The following ADARB2 variants were observed in gnomAD, a reference collection of about 807,000 sequenced individuals.
ADARB2 encodes adenosine deaminase RNA specific B2 (inactive).
A neutral mutation model predicts 62.2 loss-of-function variants in ADARB2; 25 were observed. The observed-to-expected ratio is 0.40, with a 90% CI of 0.29 to 0.56. The LOEUF is 0.56. Among genes scored for constraint, ADARB2 ranks in the 20% least tolerant of loss-of-function variants. ADARB2 has a pLI of 0.43. For synonymous variants in ADARB2, 572 were observed against 500.8 expected (o/e 1.14, Z -1.90); for missense variants, 1,071 against 1,077.4 (o/e 0.99, Z 0.08).
At chr10:1,581,764 A>C (rs750825152) in intron 1 of ADARB2, among the ~76,000 whole-genome samples, 1 of 152,180 alleles carries the variant, frequency 6.6e-6, no homozygotes, top group Non-Finnish European at 1.5e-5. Flanking sequence ...ACATACATAG[A>C]CATAGTGCAT....
At chr10:1,461,757 T>TG (rs2093237236) in intron 1 of ADARB2, among the ~76,000 whole-genome samples, 2 of 152,164 alleles carry the variant, frequency 1.3e-5, no homozygotes, top group Admixed American at 6.5e-5. Context: ...CCCAGCACTT[T>TG]GGGAGGCCGA....
chr10:1,212,161 T>G (rs778877371), intron 7 of ADARB2, among the ~76,000 whole-genome samples: 1 of 152,224 alleles, frequency 6.6e-6, no homozygotes, highest in African/African-American at 2.4e-5. Flanking sequence ...CATCCGTATT[T>G]GTGTATGAAG....
chr10:1,404,969 T>C lies in ADARB2; in HGVS notation c.101-25809A>G, dbSNP rs542423195. On this transcript the variant is annotated intron_variant, in intron 1 of 9. Transcript: ENST00000381312. ...CAGCAGGACCCTGTGTCCCTTTATG[T>C]GCAAATTAAATCTCAGGTCGATGCC... 7.9e-5 allele frequency among the ~76,000 whole-genome samples: 12 copies of C among 152,314 alleles called. No homozygotes were observed. The South Asian group carries it at 2.5e-3, about 32-fold the overall frequency.
chr10:1,510,124 C>CT (rs1359906272), intron 1 of ADARB2, among the ~76,000 whole-genome samples: 1 of 117,600 alleles, frequency 8.5e-6, no homozygotes, highest in Non-Finnish European at 1.7e-5. Flanking sequence ...TTCTTTCTTT[C>CT]TTTCTTTCTT....
At chr10:1,636,066 G>A (rs1163445893) in intron 1 of ADARB2, among the ~76,000 whole-genome samples, 1 of 152,128 alleles carries the variant, frequency 6.6e-6, no homozygotes, top group African/African-American at 2.4e-5. Context: ...TTTGGAGGTC[G>A]GGTGCTCCCT....
At chr10:1,391,705 G>A (rs1250496379) in intron 1 of ADARB2, among the ~76,000 whole-genome samples, 1 of 151,454 alleles carries the variant, frequency 6.6e-6, no homozygotes, top group Non-Finnish European at 1.5e-5. Context: ...ATAACACATT[G>A]GCTGGAAGTT....
At chr10:1,470,560 G>A (rs1831308185) in intron 1 of ADARB2, among the ~76,000 whole-genome samples, 1 of 152,204 alleles carries the variant, frequency 6.6e-6, no homozygotes, top group African/African-American at 2.4e-5. Context: ...GGAATTCTGG[G>A]AGCCCTTTCA....
chr10:1,350,639 A>G (rs1267568304), intron 3 of ADARB2, among the ~76,000 whole-genome samples: 1 of 152,146 alleles, frequency 6.6e-6, no homozygotes, highest in Admixed American at 6.5e-5. Flanking sequence ...GCTCTTTTTC[A>G]TCAAATATAA....
At chr10:1,613,275 G>T (rs774168625) in intron 1 of ADARB2, among the ~76,000 whole-genome samples, 2 of 152,198 alleles carry the variant, frequency 1.3e-5, no homozygotes, top group Non-Finnish European at 2.9e-5. Flanking sequence ...TGTGTGTCTT[G>T]TGTGGTCAGT....
At chr10:1,263,665 A>G (rs1261451937) in intron 4 of ADARB2, among the ~76,000 whole-genome samples, 2 of 152,134 alleles carry the variant, frequency 1.3e-5, no homozygotes, top group East Asian at 3.8e-4. Context: ...TTTCTCCTCC[A>G]TTTCTCATGT....
At chr10:1,733,887 G>T (rs1207365352) in intron 1 of ADARB2, among the ~76,000 whole-genome samples, 1 of 152,140 alleles carries the variant, frequency 6.6e-6, no homozygotes, top group Non-Finnish European at 1.5e-5. Context: ...ACTATTTTCC[G>T]AACGCCTCTG....
chr10:1,322,840 T>C (rs1470768706), intron 3 of ADARB2, among the ~76,000 whole-genome samples: 1 of 152,218 alleles, frequency 6.6e-6, no homozygotes, highest in East Asian at 1.9e-4. Context: ...TTTAAATTAT[T>C]TCAAAATTCA....
intron 1 of ADARB2, among the ~76,000 whole-genome samples, chr10:1,719,618 G>A (rs984231466): frequency 2.6e-5 from 4 of 152,084 alleles, no homozygotes; most frequent in Admixed American, 1.3e-4. Context: ...GACAACCTAC[G>A]GATTGGGAGA....
At chr10:1,233,146 G>A (rs1830825687) in intron 6 of ADARB2, among the ~76,000 whole-genome samples, 2 of 152,262 alleles carry the variant, frequency 1.3e-5, no homozygotes, top group South Asian at 2.1e-4. Flanking sequence ...ACTGCCCTTT[G>A]CTGATGGAGA....
chr10:1,670,572 C>A (rs75101532), intron 1 of ADARB2, among the ~76,000 whole-genome samples: 4 of 152,210 alleles, frequency 2.6e-5, no homozygotes, highest in African/African-American at 9.7e-5. Context: ...TGGCCCCGGC[C>A]CTGCCACACA....
chr10:1,708,339 A>C (rs992623379), intron 1 of ADARB2, among the ~76,000 whole-genome samples: 3 of 152,142 alleles, frequency 2.0e-5, no homozygotes, highest in African/African-American at 2.4e-5. Context: ...ACCAGGGCAG[A>C]CCCCACACCA....
At position 1,441,123 on chromosome 10, in the gene ADARB2, C is replaced by T. The variant is rs183244564; in HGVS notation, c.101-61963G>A. On this transcript the variant is annotated intron_variant, in intron 1 of 9. Coordinates refer to ENST00000381312, the MANE Select transcript of ADARB2 (RefSeq NM_018702.4). Reference sequence around the variant, plus strand: ...TCAGCTTTTGCATCTGTGCAGTAGACGACTAGTTTCACTTGCTGTTGGGTA... The same window carrying T: ...TCAGCTTTTGCATCTGTGCAGTAGATGACTAGTTTCACTTGCTGTTGGGTA... 1.5e-3 allele frequency among the ~76,000 whole-genome samples: 234 copies of T among 152,260 alleles called. 2 individuals carry two copies. The highest frequency in any genetic ancestry group is 4.8e-3 in the African/African-American group (200 of 41,536).
At chr10:1,346,981 G>A (rs1832086882) in intron 3 of ADARB2, among the ~76,000 whole-genome samples, 1 of 152,236 alleles carries the variant, frequency 6.6e-6, no homozygotes, top group African/African-American at 2.4e-5. Context: ...GCCCATATTG[G>A]ATACATCATG....
chr10:1,211,402 T>C (rs1323598154), intron 7 of ADARB2, among the ~76,000 whole-genome samples: 1 of 152,210 alleles, frequency 6.6e-6, no homozygotes, highest in African/African-American at 2.4e-5. Context: ...GTCTGTCATC[T>C]ATCGATCTAT....
Sources: allele counts gnomAD v4.1 joint callset (sites outside exome capture counted in the v4.1 genomes callset), GRCh38; gene constraint gnomAD v4.1.1; transcripts MANE v1.5; gene names NCBI Gene and HGNC (gene_info 2026-07-23, HGNC 2026-07-21).